CSMD3: variants seen among roughly 807,000 people sequenced by gnomAD.
CSMD3 encodes the protein CUB and sushi domain-containing protein 3.
Under a neutral mutation model 435.2 loss-of-function variants are expected in CSMD3, and 177 were observed. That is an observed-to-expected ratio of 0.41 (90% CI 0.36 to 0.46). The LOEUF is 0.46. Ranked by LOEUF, CSMD3 falls within the 20% of genes least tolerant of loss-of-function variation. CSMD3 has a pLI of 0.34. For synonymous variants in CSMD3, 1,656 were observed against 1,520.5 expected, an observed-to-expected ratio of 1.09 and a Z score of -2.07; for missense variants, 4,265 against 4,504.6, an observed-to-expected ratio of 0.95 and a Z score of 1.52.
intron 61 of CSMD3, among the ~76,000 whole-genome samples, chr8:112,260,429 T>A (rs1248969595): frequency 6.6e-6 from 1 of 152,206 alleles, no homozygotes; most frequent in Non-Finnish European, 1.5e-5. Flanking sequence ...AGGAGCTCTA[T>A]TATGTGTAGT....
At chr8:113,086,102 G>A (rs1173602691) in intron 5 of CSMD3, among the ~76,000 whole-genome samples, 2 of 151,854 alleles carry the variant, frequency 1.3e-5, no homozygotes, top group Non-Finnish European at 2.9e-5. Context: ...ACAAAAATTA[G>A]CCAGGCGTGG....
chr8:113,009,674 C>T (rs973630411), intron 6 of CSMD3, among the ~76,000 whole-genome samples: 4 of 151,648 alleles, frequency 2.6e-5, no homozygotes, highest in African/African-American at 4.8e-5. Flanking sequence ...AGGATATTAT[C>T]CAATGAAATA....
intron 2 of CSMD3, among the ~76,000 whole-genome samples, chr8:113,287,342 A>G (rs910918492): frequency 1.3e-5 from 2 of 152,096 alleles, no homozygotes; most frequent in Non-Finnish European, 2.9e-5. Context: ...TAATGTCACA[A>G]TAAACAAGAA....
intron 64 of CSMD3, among the ~76,000 whole-genome samples, 193 bp from the exon 65 acceptor site, chr8:112,244,766 ATCCACCATTTGTGGAACAC>A (rs950477172): frequency 7.2e-5 from 11 of 152,080 alleles, no homozygotes; most frequent in Non-Finnish European, 1.3e-4. Flanking sequence ...GCATTTCCTA[ATCCACCATTTGTGGAACAC>A]TAGTAGATGT....
chr8:112,234,530 T>C (rs1020520638), intron 67 of CSMD3, 53 bp from the exon 68 acceptor site: 6 of 930,718 alleles, frequency 6.4e-6, no homozygotes, highest in Non-Finnish European at 1.1e-5. Context: ...TAGTTATACT[T>C]CATTTTATTA....
chr8:112,327,205 AATT>A (rs1374736728), intron 45 of CSMD3, among the ~76,000 whole-genome samples: 4 of 152,152 alleles, frequency 2.6e-5, no homozygotes, highest in African/African-American at 9.7e-5. Context: ...AAGAAATACT[AATT>A]AATAACAAAT....
chr8:113,400,841 A>G (rs1240970011), intron 1 of CSMD3, among the ~76,000 whole-genome samples: 2 of 151,862 alleles, frequency 1.3e-5, no homozygotes, highest in Admixed American at 6.6e-5. Flanking sequence ...ATATCCTGAA[A>G]ATTGGGTAGA....
chr8:112,673,225 C>T (rs2075697700), intron 16 of CSMD3, among the ~76,000 whole-genome samples: 1 of 151,164 alleles, frequency 6.6e-6, no homozygotes. Flanking sequence ...ATCACCAGGT[C>T]TCTCAAACCT....
chr8:112,567,858 C>G (rs1019624660), intron 24 of CSMD3, among the ~76,000 whole-genome samples: 5 of 152,138 alleles, frequency 3.3e-5, no homozygotes, highest in Admixed American at 1.3e-4. Flanking sequence ...TCCCTGTTCT[C>G]TCTCAGAAGA....
chr8:113,271,414 G>A (rs2093525388), intron 3 of CSMD3, among the ~76,000 whole-genome samples: 2 of 152,138 alleles, frequency 1.3e-5, no homozygotes, highest in Admixed American at 1.3e-4. Context: ...GCAGCCTAGG[G>A]ACTTGGTGCT....
chr8:113,403,728 T>G (rs1386606215), intron 1 of CSMD3, among the ~76,000 whole-genome samples: 1 of 151,460 alleles, frequency 6.6e-6, no homozygotes, highest in East Asian at 1.9e-4. Context: ...GAAATTATGG[T>G]GATAAAAGTT....
At chr8:112,971,096 T>A (rs1376518762) in intron 7 of CSMD3, among the ~76,000 whole-genome samples, 1 of 152,320 alleles carries the variant, frequency 6.6e-6, no homozygotes, top group Non-Finnish European at 1.5e-5. Flanking sequence ...TCAGTCCCTC[T>A]ACTGTAATTC....
chr8:112,963,304 T>C (rs2084300438), intron 7 of CSMD3, among the ~76,000 whole-genome samples: 1 of 151,952 alleles, frequency 6.6e-6, no homozygotes, highest in Non-Finnish European at 1.5e-5. Context: ...TTTCTTTACA[T>C]TCACTCATTC....
intron 1 of CSMD3, among the ~76,000 whole-genome samples, chr8:113,340,312 CA>C (rs1320224031): frequency 6.6e-6 from 1 of 152,066 alleles, no homozygotes; most frequent in Non-Finnish European, 1.5e-5. Context: ...AACTCCACAT[CA>C]TCAGTTGATG....
At chr8:113,373,165 A>T (rs1163658305) in intron 1 of CSMD3, among the ~76,000 whole-genome samples, 5 of 152,116 alleles carry the variant, frequency 3.3e-5, no homozygotes, top group Non-Finnish European at 7.4e-5. Flanking sequence ...AAAGGAAAAA[A>T]TTTTGGCTAA....
At chr8:113,265,731 T>G (rs968705716) in intron 3 of CSMD3, among the ~76,000 whole-genome samples, 1 of 151,610 alleles carries the variant, frequency 6.6e-6, no homozygotes, top group African/African-American at 2.4e-5. Context: ...GATTAGGATT[T>G]TGAACATTTA....
intron 35 of CSMD3, among the ~76,000 whole-genome samples, chr8:112,392,197 A>G (rs1830473054): frequency 6.6e-6 from 1 of 151,854 alleles, no homozygotes; most frequent in Admixed American, 6.6e-5. Context: ...TTGTCCTAGT[A>G]TGGCTATAAA....
intron 10 of CSMD3, among the ~76,000 whole-genome samples, chr8:112,877,205 T>G (rs2081308948): frequency 6.6e-6 from 1 of 152,036 alleles, no homozygotes; most frequent in African/African-American, 2.4e-5. Context: ...ATAGATTCAA[T>G]GCTGTCCCCA....
At chr8:112,660,840 CAAAG>C (rs2075362593) in intron 17 of CSMD3, among the ~76,000 whole-genome samples, 1 of 151,994 alleles carries the variant, frequency 6.6e-6, no homozygotes, top group African/African-American at 2.4e-5. Flanking sequence ...GGCCAATTAA[CAAAG>C]AATGATTTTT....
Sources: allele counts gnomAD v4.1 joint callset (sites outside exome capture counted in the v4.1 genomes callset), GRCh38; gene constraint gnomAD v4.1.1; transcripts MANE v1.5; gene names NCBI Gene and HGNC (gene_info 2026-07-23, HGNC 2026-07-21).